Variants in HEMK2 observed in about 807,000 individuals in gnomAD.
The protein encoded by HEMK2 is HemK methyltransferase 2, ETF1 glutamine and histone H4 lysine, also known as methyltransferase HEMK2.
the HEMK2 span, among the ~76,000 whole-genome samples, chr21:28,839,403 T>C: frequency 5.9e-5 from 9 of 152,056 alleles, no homozygotes; most frequent in African/African-American, 2.2e-4. Flanking sequence ...ATAAAGCGCA[T>C]TCAAATCAGT....
the HEMK2 span, among the ~76,000 whole-genome samples, chr21:28,690,888 T>C: frequency 6.6e-6 from 1 of 152,180 alleles, no homozygotes; most frequent in African/African-American, 2.4e-5. Flanking sequence ...TTTTAACCTG[T>C]AGAGCTTCTC....
the HEMK2 span, among the ~76,000 whole-genome samples, chr21:28,746,217 T>C: frequency 1.3e-5 from 2 of 152,188 alleles, no homozygotes; most frequent in Non-Finnish European, 2.9e-5. Context: ...CTGATATTTA[T>C]TTGGAGCTTT....
the HEMK2 span, among the ~76,000 whole-genome samples, chr21:28,627,400 G>A: frequency 8.5e-5 from 13 of 152,126 alleles, no homozygotes; most frequent in Non-Finnish European, 1.9e-4. Context: ...ATTAAAATGT[G>A]CTCTGAGCAA....
chr21:28,606,459 CT>C, the HEMK2 span, among the ~76,000 whole-genome samples: 1 of 152,170 alleles, frequency 6.6e-6, no homozygotes, highest in African/African-American at 2.4e-5. Flanking sequence ...GGTCATCTCA[CT>C]CCCATTATTA....
chr21:28,585,471 T>TA, the HEMK2 span, among the ~76,000 whole-genome samples: 1 of 151,742 alleles, frequency 6.6e-6, no homozygotes, highest in Admixed American at 6.6e-5. Flanking sequence ...ATAAAGAACA[T>TA]AGAGTACCTA....
the HEMK2 span, among the ~76,000 whole-genome samples, chr21:28,806,228 T>C: frequency 6.6e-6 from 1 of 152,254 alleles, no homozygotes; most frequent in African/African-American, 2.4e-5. Context: ...AGGGAAATGT[T>C]GTCACGACAG....
the HEMK2 span, among the ~76,000 whole-genome samples, chr21:28,798,687 A>G: frequency 1.1e-3 from 173 of 152,228 alleles, 2 homozygotes; most frequent in African/African-American, 4.1e-3. Context: ...ATTAATAGAG[A>G]TGAATAGTAG....
At chr21:28,884,247 A>T in the HEMK2 span, among the ~76,000 whole-genome samples, 7 of 152,230 alleles carry the variant, frequency 4.6e-5, no homozygotes, top group East Asian at 1.3e-3. Flanking sequence ...TTGAGAAGAA[A>T]AGACAAGTTA....
At chr21:28,877,640 A>AGGAG in the HEMK2 span, among the ~76,000 whole-genome samples, 1 of 151,852 alleles carries the variant, frequency 6.6e-6, no homozygotes, top group Non-Finnish European at 1.5e-5. Flanking sequence ...ATAGGAAGGA[A>AGGAG]GGAAGGGAGA....
chr21:28,838,972 A>ATATAT, the HEMK2 span, among the ~76,000 whole-genome samples: 1 of 29,158 alleles, frequency 3.4e-5, no homozygotes, highest in African/African-American at 1.9e-4. Context: ...AAAAAAAAAA[A>ATATAT]ATATATATAT....
At chr21:28,639,481 T>C in the HEMK2 span, among the ~76,000 whole-genome samples, 2 of 152,104 alleles carry the variant, frequency 1.3e-5, no homozygotes, top group Non-Finnish European at 2.9e-5. Context: ...CAGGTAATAA[T>C]AGAAAATAGT....
the HEMK2 span, among the ~76,000 whole-genome samples, chr21:28,621,345 G>C: frequency 1.1e-4 from 16 of 152,206 alleles, no homozygotes; most frequent in African/African-American, 3.9e-4. Context: ...CCAGGAGCAG[G>C]TTGTTCAGTT....
At chr21:28,745,559 A>T in the HEMK2 span, among the ~76,000 whole-genome samples, 1 of 152,090 alleles carries the variant, frequency 6.6e-6, no homozygotes, top group African/African-American at 2.4e-5. Flanking sequence ...CCCATCCAAA[A>T]CCAAGCCCTT....
chr21:28,877,552 GA>G, the HEMK2 span, among the ~76,000 whole-genome samples: 2 of 137,516 alleles, frequency 1.5e-5, no homozygotes, highest in Non-Finnish European at 3.1e-5. Flanking sequence ...GAGAGATAAA[GA>G]AAAAGAAAAG....
At chr21:28,768,288 G>A in the HEMK2 span, among the ~76,000 whole-genome samples, 1 of 152,050 alleles carries the variant, frequency 6.6e-6, no homozygotes, top group Non-Finnish European at 1.5e-5. Flanking sequence ...TTGTCCAAAG[G>A]ATACATTCTA....
At chr21:28,598,188 C>A in the HEMK2 span, among the ~76,000 whole-genome samples, 1 of 152,188 alleles carries the variant, frequency 6.6e-6, no homozygotes, top group Non-Finnish European at 1.5e-5. Context: ...GGAAGACGAG[C>A]TCTGAGCCTT....
the HEMK2 span, among the ~76,000 whole-genome samples, chr21:28,602,817 C>G: frequency 6.6e-6 from 1 of 152,250 alleles, no homozygotes; most frequent in Non-Finnish European, 1.5e-5. Context: ...GAGGTAGCCA[C>G]AGCTGGAGGG....
At chr21:28,714,958 A>T in the HEMK2 span, among the ~76,000 whole-genome samples, 1 of 152,310 alleles carries the variant, frequency 6.6e-6, no homozygotes, top group Middle Eastern at 3.4e-3. Flanking sequence ...ACACTGCTGC[A>T]ATCAATGTGA....
the HEMK2 span, among the ~76,000 whole-genome samples, chr21:28,664,709 A>C: frequency 0.016 from 2,423 of 152,248 alleles, 64 homozygotes; most frequent in African/African-American, 0.054. Flanking sequence ...ATTTGAAATA[A>C]TTCCTGCATG....
Sources: allele counts gnomAD v4.1 joint callset (sites outside exome capture counted in the v4.1 genomes callset), GRCh38; gene constraint gnomAD v4.1.1; transcripts MANE v1.5; gene names NCBI Gene and HGNC (gene_info 2026-07-23, HGNC 2026-07-21).